The following H4C3 variants were observed in gnomAD, a reference collection of about 807,000 sequenced individuals.
H4C3 encodes the protein histone H4.
H4C3 carries 10 observed loss-of-function variants against 5.3 expected under a neutral mutation model. The ratio of observed to expected loss-of-function variants is 1.87; its 90% CI spans 1.16 to 3.18. The LOEUF is 3.18. Among genes scored for constraint, H4C3 ranks in the 30% most tolerant of loss-of-function variants. H4C3 has a pLI of 0.00. For synonymous variants in H4C3, 133 were observed against 56.8 expected (o/e 2.34, Z -6.03); for missense variants, 191 against 152.5 (o/e 1.25, Z -1.33).
Position 26,104,298 on chromosome 6 carries a change from A to T in H4C3, c.*39A>T, listed in dbSNP as rs780951094. On this transcript the variant is annotated 3_prime_UTR_variant, in exon 1 of 1. Coordinates refer to ENST00000377803, the MANE Select transcript of H4C3 (RefSeq NM_003542.4). Reference sequence around the variant, plus strand: ...CGGTCTCCTGAGAACTTCAAAAAACAAAAACAAAAAAACCCAAAGGCCCTT... The same window carrying T: ...CGGTCTCCTGAGAACTTCAAAAAACTAAAACAAAAAAACCCAAAGGCCCTT... 2 of 1,524,296 alleles carry T rather than the reference A, an allele frequency of 1.3e-6. No individual in the cohort carries two copies. Among genetic ancestry groups the T allele is most frequent in the Admixed American group, 2.2e-5 (1 of 45,572 alleles). The allele number at this position is 1,524,296 out of a possible 1,614,324, so 94.4% of individuals were successfully genotyped here.
chr6:26,104,060 T>G lies in H4C3; in HGVS notation c.113T>G (p.Leu38Trp). 6.2e-7 allele frequency: 1 copy of G among 1,614,208 alleles called. No homozygotes were observed. Among genetic ancestry groups the G allele is most frequent in the Non-Finnish European group, 8.5e-7 (1 of 1,180,034 alleles). Reference sequence around the variant, plus strand: ...ATTACAAAACCGGCTATTCGCCGTTTGGCTCGGCGCGGTGGCGTCAAGCGC... The same window carrying G: ...ATTACAAAACCGGCTATTCGCCGTTGGGCTCGGCGCGGTGGCGTCAAGCGC... ...QGITKPAIRRLARRGGVKRIS... is the reference protein window; with the variant it reads ...QGITKPAIRRWARRGGVKRIS... The change falls in exon 1 of 1, where the codon TTG becomes TGG. Residue 38 changes from leucine to tryptophan, a missense_variant. Physicochemically the swap from Leu to Trp is moderately conservative, Grantham distance 61. Transcript: ENST00000377803.
chr6:26,104,290 C>CA lies in H4C3; in HGVS notation c.*37dup. On this transcript the variant is annotated 3_prime_UTR_variant, in exon 1 of 1. Transcript: ENST00000377803. ...AGAATACGCGGTCTCCTGAGAACTT[C>CA]AAAAAACAAAAACAAAAAAACCCAA... 3.3e-6 allele frequency: 5 copies of CA among 1,530,752 alleles called. No individual in the cohort carries two copies. The Admixed American group carries it at 8.7e-5, about 27-fold the overall frequency. The allele number at this position is 1,530,752 out of a possible 1,614,324, so 94.8% of individuals were successfully genotyped here.
rs1561948942 is a variant in H4C3 at position 26,103,968 on chromosome 6, CG to C, written c.23del (p.Gly8GlufsTer56). MSGRGKG[G>X]KGLGKGGAKR... is the part of the protein sequence containing the mutation. ...GAATCATGTCTGGTCGCGGCAAAGGCGGAAAAGGCTTGGGGAAGGGTGGTGC... is the reference window on the plus strand; with the variant it reads ...GAATCATGTCTGGTCGCGGCAAAGGCGAAAAGGCTTGGGGAAGGGTGGTGC... On this transcript the variant is annotated frameshift_variant, in exon 1 of 1. Transcript: ENST00000377803. LOFTEE classifies it high-confidence loss of function. 1.9e-6 allele frequency: 3 copies of C among 1,608,524 alleles called. No homozygotes were observed. The highest frequency in any genetic ancestry group is 1.7e-5 in the Admixed American group (1 of 59,778).
chr6:26,104,232 G>A lies in H4C3; in HGVS notation c.285G>A (p.Gly95=). The part of the protein sequence containing the change: ...MDVVYALKRQ[G]RTLYGFGG Reference sequence around the variant, plus strand: ...TAGTATATGCCCTAAAACGTCAGGGGCGCACTCTGTATGGCTTCGGCGGCT... The same window carrying A: ...TAGTATATGCCCTAAAACGTCAGGGACGCACTCTGTATGGCTTCGGCGGCT... Residue 95 remains glycine (G), a synonymous_variant, in exon 1 of 1, where the codon GGG becomes GGA. Transcript: ENST00000377803. 6.2e-7 allele frequency: 1 copy of A among 1,607,282 alleles called. No homozygotes were observed. Among genetic ancestry groups the A allele is most frequent in the Non-Finnish European group, 8.5e-7 (1 of 1,174,246 alleles).
rs762464717 is a variant in H4C3 at position 26,104,129 on chromosome 6, T to G, written c.182T>G (p.Val61Gly). 4.3e-6 allele frequency: 7 copies of G among 1,614,004 alleles called. No individual in the cohort carries two copies. Among genetic ancestry groups the G allele is most frequent in the Non-Finnish European group, 5.9e-6 (7 of 1,180,030 alleles). Reference protein sequence around the residue: ...IYEETRGVLKVFLENVIRDAV... With the variant: ...IYEETRGVLKGFLENVIRDAV... ...GAGGAGACTCGAGGTGTGCTTAAGG[T>G]TTTCTTAGAGAACGTTATTCGAGAC... Residue 61 changes from valine to glycine, a missense_variant, in exon 1 of 1, where the codon GTT (valine) becomes GGT (glycine). Coordinates refer to ENST00000377803, the MANE Select transcript of H4C3 (RefSeq NM_003542.4).
Position 26,103,935 on chromosome 6 carries a change from T to A in H4C3, c.-13T>A, listed in dbSNP as rs538001977. On this transcript the variant is annotated 5_prime_UTR_variant, in exon 1 of 1. Transcript: ENST00000377803. Reference sequence around the variant, plus strand: ...AACTGTTTCAGTTCATACCTTCCACTGCGATAGGAATCATGTCTGGTCGCG... The same window carrying A: ...AACTGTTTCAGTTCATACCTTCCACAGCGATAGGAATCATGTCTGGTCGCG... The A allele has an allele frequency of 8.2e-6, 13 of 1,593,490 alleles. No homozygotes were observed. The highest frequency in any genetic ancestry group is 1.7e-5 in the Admixed American group (1 of 58,650).
In H4C3 at chr6:26,104,323, T is replaced by G; in HGVS notation, c.*64T>G. 7.1e-7 allele frequency: 1 copy of G among 1,411,106 alleles called. No individual in the cohort carries two copies. Among genetic ancestry groups the G allele is most frequent in the East Asian group, 2.3e-5 (1 of 43,086 alleles). The allele number at this position is 1,411,106 out of a possible 1,614,324, so 87.4% of individuals were successfully genotyped here. ...AAAAACAAAAAAACCCAAAGGCCCT[T>G]TTCAGGGCCGCTCACAAAGTCGTTT... On this transcript the variant is annotated 3_prime_UTR_variant, in exon 1 of 1. Coordinates refer to ENST00000377803, the MANE Select transcript of H4C3 (RefSeq NM_003542.4).
rs866929435 is a variant in H4C3, at chr6:26,103,961, G to A, written c.14G>A (p.Gly5Asp). The A allele has an allele frequency of 6.2e-7, 1 of 1,607,488 alleles. No homozygotes were observed. The highest frequency in any genetic ancestry group is 8.5e-7 in the Non-Finnish European group (1 of 1,174,828). ...GCGATAGGAATCATGTCTGGTCGCG[G>A]CAAAGGCGGAAAAGGCTTGGGGAAG... MSGR[G>D]KGGKGLGKGG... The change falls in exon 1 of 1, where the codon GGC becomes GAC. Residue 5 changes from glycine to aspartate, a missense_variant. Physicochemically the swap from Gly to Asp is moderately conservative, Grantham distance 94. Coordinates refer to ENST00000377803, the MANE Select transcript of H4C3 (RefSeq NM_003542.4).
Position 26,103,995 on chromosome 6 carries a change from T to A in H4C3, c.48T>A (p.Ala16=). The A allele has an allele frequency of 6.2e-7, 1 of 1,613,956 alleles. No individual in the cohort carries two copies. Among genetic ancestry groups the A allele is most frequent in the Non-Finnish European group, 8.5e-7 (1 of 1,179,850 alleles). ...GAAAAGGCTTGGGGAAGGGTGGTGC[T>A]AAGCGCCATCGTAAGGTGCTCCGGG... ...KGGKGLGKGG[A]KRHRKVLRDN... The change falls in exon 1 of 1, where the codon GCT becomes GCA. Residue 16 remains alanine, a synonymous_variant. Transcript: ENST00000377803.
rs774848596 is a variant in H4C3 at position 26,104,128 on chromosome 6, G to C, written c.181G>C (p.Val61Leu). The change falls in exon 1 of 1, where the codon GTT becomes CTT. Residue 61 changes from valine to leucine, a missense_variant. Physicochemically the swap from Val to Leu is conservative, Grantham distance 32. Transcript: ENST00000377803. The stretch of plus-strand genomic sequence containing the variant: ...TGAGGAGACTCGAGGTGTGCTTAAG[G>C]TTTTCTTAGAGAACGTTATTCGAGA... Reference protein sequence around the residue: ...IYEETRGVLKVFLENVIRDAV... With the variant: ...IYEETRGVLKLFLENVIRDAV... The C allele has an allele frequency of 6.2e-7, 1 of 1,614,020 alleles. No individual in the cohort carries two copies. The highest frequency in any genetic ancestry group is 8.5e-7 in the Non-Finnish European group (1 of 1,180,040).
At position 26,104,172 on chromosome 6, in the gene H4C3, G is replaced by A. The variant is rs771210683; in HGVS notation, c.225G>A (p.Glu75=). The part of the protein sequence containing the change: ...NVIRDAVTYT[E]HAKRKTVTAM... ...TTCGAGACGCCGTCACCTATACGGA[G>A]CACGCCAAGCGCAAAACTGTCACAG... The change falls in exon 1 of 1, where the codon GAG becomes GAA. Residue 75 remains glutamate (E), a synonymous_variant. Transcript: ENST00000377803. 2.5e-6 allele frequency: 4 copies of A among 1,613,996 alleles called. No homozygotes were observed. Among genetic ancestry groups the A allele is most frequent in the East Asian group, 2.2e-5 (1 of 44,898 alleles).
At position 26,104,252 on chromosome 6, in the gene H4C3, G is replaced by A; in HGVS notation, c.305G>A (p.Gly102Asp). The change falls in exon 1 of 1, where the codon GGC (glycine) becomes GAC (aspartate). Residue 102 changes from glycine to aspartate, a missense_variant. By Grantham distance (94) the Gly-to-Asp change is moderately conservative. Coordinates refer to ENST00000377803, the MANE Select transcript of H4C3 (RefSeq NM_003542.4). ...CAGGGGCGCACTCTGTATGGCTTCGGCGGCTGAATCTAAGAATACGCGGTC... is the reference window on the plus strand; with the variant it reads ...CAGGGGCGCACTCTGTATGGCTTCGACGGCTGAATCTAAGAATACGCGGTC... ...KRQGRTLYGF[G>D]G 1 of 1,588,270 alleles carries A rather than the reference G, an allele frequency of 6.3e-7. No homozygotes were observed. Among genetic ancestry groups the A allele is most frequent in the Non-Finnish European group, 8.6e-7 (1 of 1,162,764 alleles).
rs149616889 is a variant in H4C3, at chr6:26,104,214, T to C, written c.267T>C (p.Tyr89=). 666 of 1,612,396 alleles carry C rather than the reference T, an allele frequency of 4.1e-4. No homozygotes were observed. Among genetic ancestry groups the C allele is most frequent in the Non-Finnish European group, 5.3e-4 (630 of 1,178,502 alleles). ...RKTVTAMDVV[Y]ALKRQGRTLY... ...CTGTCACAGCCATGGATGTAGTATA[T>C]GCCCTAAAACGTCAGGGGCGCACTC... Residue 89 remains tyrosine (Y), a synonymous_variant, in exon 1 of 1, where the codon TAT becomes TAC. Coordinates refer to ENST00000377803, the MANE Select transcript of H4C3 (RefSeq NM_003542.4).
chr6:26,104,175 C>G lies in H4C3; in HGVS notation c.228C>G (p.His76Gln). Residue 76 changes from histidine to glutamine, a missense_variant, in exon 1 of 1, where the codon CAC becomes CAG. Transcript: ENST00000377803. Reference sequence around the variant, plus strand: ...GAGACGCCGTCACCTATACGGAGCACGCCAAGCGCAAAACTGTCACAGCCA... The same window carrying G: ...GAGACGCCGTCACCTATACGGAGCAGGCCAAGCGCAAAACTGTCACAGCCA... ...VIRDAVTYTE[H>Q]AKRKTVTAMD... is the part of the protein sequence containing the mutation. 1 of 1,614,110 alleles carries G rather than the reference C, an allele frequency of 6.2e-7. No individual in the cohort carries two copies. Among genetic ancestry groups the G allele is most frequent in the Non-Finnish European group, 8.5e-7 (1 of 1,180,018 alleles).
At position 26,104,098 on chromosome 6, in the gene H4C3, A is replaced by C; in HGVS notation, c.151A>C (p.Ile51Leu). The C allele has an allele frequency of 1.2e-6, 2 of 1,614,126 alleles. No homozygotes were observed. The highest frequency in any genetic ancestry group is 1.7e-6 in the Non-Finnish European group (2 of 1,180,040). Residue 51 changes from isoleucine to leucine, a missense_variant, in exon 1 of 1, where the codon ATC (isoleucine) becomes CTC (leucine). Physicochemically the swap from Ile to Leu is conservative, Grantham distance 5. Coordinates refer to ENST00000377803, the MANE Select transcript of H4C3 (RefSeq NM_003542.4). ...TGGCGTCAAGCGCATTTCCGGTCTT[A>C]TCTATGAGGAGACTCGAGGTGTGCT... Reference protein sequence around the residue: ...RGGVKRISGLIYEETRGVLKV... With the variant: ...RGGVKRISGLLYEETRGVLKV...
At position 26,104,250 on chromosome 6, in the gene H4C3, C is replaced by A; in HGVS notation, c.303C>A (p.Phe101Leu). ...LKRQGRTLYG[F>L]GG ...GTCAGGGGCGCACTCTGTATGGCTTCGGCGGCTGAATCTAAGAATACGCGG... is the reference window on the plus strand; with the variant it reads ...GTCAGGGGCGCACTCTGTATGGCTTAGGCGGCTGAATCTAAGAATACGCGG... The change falls in exon 1 of 1, where the codon TTC (phenylalanine) becomes TTA (leucine). Residue 101 changes from phenylalanine to leucine, a missense_variant. Physicochemically the swap from Phe to Leu is conservative, Grantham distance 22. Coordinates refer to ENST00000377803, the MANE Select transcript of H4C3 (RefSeq NM_003542.4). The A allele has an allele frequency of 6.3e-7, 1 of 1,586,836 alleles. No individual in the cohort carries two copies. Among genetic ancestry groups the A allele is most frequent in the Non-Finnish European group, 8.6e-7 (1 of 1,161,818 alleles).
In H4C3 at chr6:26,104,255, G is replaced by C. The variant is rs747607271; in HGVS notation, c.308G>C (p.Gly103Ala). The change falls in exon 1 of 1, where the codon GGC becomes GCC. Residue 103 changes from glycine to alanine, a missense_variant. Transcript: ENST00000377803. The stretch of plus-strand genomic sequence containing the variant: ...GGGCGCACTCTGTATGGCTTCGGCG[G>C]CTGAATCTAAGAATACGCGGTCTCC... ...RQGRTLYGFG[G>A] 2 of 1,585,402 alleles carry C rather than the reference G, an allele frequency of 1.3e-6. No homozygotes were observed. The highest frequency in any genetic ancestry group is 1.7e-6 in the Non-Finnish European group (2 of 1,161,348).
In H4C3 at chr6:26,104,136, AG is replaced by A. The variant is rs1763197166; in HGVS notation, c.190del (p.Glu64ArgfsTer24). 5.0e-6 allele frequency: 8 copies of A among 1,614,172 alleles called. No individual in the cohort carries two copies. Among genetic ancestry groups the A allele is most frequent in the Non-Finnish European group, 6.8e-6 (8 of 1,180,034 alleles). On this transcript the variant is annotated frameshift_variant, in exon 1 of 1. Coordinates refer to ENST00000377803, the MANE Select transcript of H4C3 (RefSeq NM_003542.4). LOFTEE classifies it high-confidence loss of function. The part of the protein sequence containing the change: ...ETRGVLKVFL[E>X]NVIRDAVTYT... ...CTCGAGGTGTGCTTAAGGTTTTCTT[AG>A]AGAACGTTATTCGAGACGCCGTCAC...
At position 26,104,120 on chromosome 6, in the gene H4C3, T is replaced by G; in HGVS notation, c.173T>G (p.Val58Gly). Residue 58 changes from valine (V) to glycine (G), a missense_variant, in exon 1 of 1, where the codon GTG becomes GGG. Transcript: ENST00000377803. ...CTTATCTATGAGGAGACTCGAGGTG[T>G]GCTTAAGGTTTTCTTAGAGAACGTT... is the stretch of plus-strand genomic sequence containing the variant. ...SGLIYEETRG[V>G]LKVFLENVIR... is the part of the protein sequence containing the mutation. The G allele has an allele frequency of 1.2e-6, 2 of 1,614,108 alleles. No homozygotes were observed. Among genetic ancestry groups the G allele is most frequent in the Non-Finnish European group, 1.7e-6 (2 of 1,180,024 alleles).
Sources: gnomAD v4.1 joint callset for allele counts on GRCh38, gnomAD v4.1.1 for gene constraint, MANE v1.5 for transcripts, NCBI Gene and HGNC (gene_info 2026-07-23, HGNC 2026-07-21) for gene names.